The following ASIC2 variants were observed in gnomAD, a reference collection of about 807,000 sequenced individuals.
The protein encoded by ASIC2 is acid sensing ion channel subunit 2.
A neutral mutation model predicts 57.3 loss-of-function variants in ASIC2; 25 were observed. The observed-to-expected ratio is 0.44, with a 90% CI of 0.32 to 0.61. The LOEUF (loss-of-function observed/expected upper bound fraction) is 0.61, where lower values mean the gene tolerates loss of function less well. Ranked by LOEUF, ASIC2 falls within the 20% of genes least tolerant of loss-of-function variation. The probability of loss-of-function intolerance (pLI) is 0.06; values close to 1 mark genes in which losing one functional copy is unlikely to be tolerated. For synonymous variants in ASIC2, 319 were observed against 307.5 expected, an observed-to-expected ratio of 1.04 and a Z score of -0.39; for missense variants, 641 against 738.1, an observed-to-expected ratio of 0.87 and a Z score of 1.52.
chr17:33,594,441 C>T (rs1231920903), intron 1 of ASIC2, among the ~76,000 whole-genome samples: 1 of 152,246 alleles, frequency 6.6e-6, no homozygotes, highest in Non-Finnish European at 1.5e-5. Flanking sequence ...TCACCAATAA[C>T]ATCCTCTTGC....
Position 34,156,373 on chromosome 17 carries a change from C to T in ASIC2, c.160G>A (p.Gly54Ser). 6.2e-7 allele frequency: 1 copy of T among 1,614,206 alleles called. No individual in the cohort carries two copies. The highest frequency in any genetic ancestry group is 8.5e-7 in the Non-Finnish European group (1 of 1,180,036). The change falls in exon 1 of 10, where the codon GGC becomes AGC. Residue 54 changes from glycine (G) to serine (S), a missense_variant. Transcript: ENST00000359872. The surrounding 1 kb of genome is among the most constrained non-coding windows in gnomAD (Gnocchi z 4.4). Reference sequence around the variant, plus strand: ...TCAGAGCTCTCCACCAGCAGCAGGCCCAGAGAGCCCACGAAGGCCACTGCC... The same window carrying T: ...TCAGAGCTCTCCACCAGCAGCAGGCTCAGAGAGCCCACGAAGGCCACTGCC...
chr17:33,636,605 G>A lies in ASIC2; in HGVS notation c.555+519373C>T, dbSNP rs181495278. Among the ~76,000 whole-genome samples the A allele has an allele frequency of 5.0e-4, 76 of 152,262 alleles. No homozygotes were observed. The East Asian group carries it at 7.7e-3, about 15-fold the overall frequency. On this transcript the variant is annotated intron_variant, in intron 1 of 9. Transcript: ENST00000359872. ...CTTTCTAAGAGTCCATATTTATGGGGCACATGTCTCTGGGCTGCTTTCCGC... is the reference window on the plus strand; with the variant it reads ...CTTTCTAAGAGTCCATATTTATGGGACACATGTCTCTGGGCTGCTTTCCGC...
chr17:33,406,563 GTGTTTC>G (rs1235033474), intron 1 of ASIC2, among the ~76,000 whole-genome samples: 15 of 152,174 alleles, frequency 9.9e-5, no homozygotes, highest in African/African-American at 3.6e-4. Flanking sequence ...TAAGCTTTCT[GTGTTTC>G]TGTTTCCTTG....
intron 1 of ASIC2, among the ~76,000 whole-genome samples, chr17:33,527,230 T>C (rs569792208): frequency 1.3e-5 from 2 of 152,278 alleles, no homozygotes; most frequent in Admixed American, 1.3e-4. Flanking sequence ...TGGGCAGATC[T>C]AAGGAAAGAG....
chr17:33,590,050 C>G (rs1904776025), intron 1 of ASIC2, among the ~76,000 whole-genome samples: 1 of 152,178 alleles, frequency 6.6e-6, no homozygotes, highest in Non-Finnish European at 1.5e-5. Flanking sequence ...AAAGAGCATG[C>G]TGTGTCCCAC....
rs1913746804 is a variant in ASIC2 at position 33,850,922 on chromosome 17, G to A, written c.555+305056C>T. ...CTTGGCCGTCCCAGCCCATTAACCTGGGGCAAGGTTGGAAAACTACACCCA... is the reference window on the plus strand; with the variant it reads ...CTTGGCCGTCCCAGCCCATTAACCTAGGGCAAGGTTGGAAAACTACACCCA... On this transcript the variant is annotated intron_variant, in intron 1 of 9. Coordinates refer to the ASIC2 transcript ENST00000359872. Among the ~76,000 whole-genome samples the A allele has an allele frequency of 3.3e-5, 5 of 151,972 alleles. No homozygotes were observed. In the South Asian group the frequency reaches 1.0e-3, roughly 32 times the overall value.
rs145394365 is a variant in ASIC2, at chr17:33,107,010, C to A, written c.859+4907G>T. 6.3e-4 allele frequency among the ~76,000 whole-genome samples: 96 copies of A among 152,254 alleles called. 2 individuals are homozygous for A. The East Asian group carries it at 0.018, about 28-fold the overall frequency. Reference sequence around the variant, plus strand: ...CCTGCCCCTCCTGCTGGCTGGTTGTCGAAGCTTGCCTTGGATTCTGAGAAC... The same window carrying A: ...CCTGCCCCTCCTGCTGGCTGGTTGTAGAAGCTTGCCTTGGATTCTGAGAAC... On this transcript the variant is annotated intron_variant, in intron 2 of 9. Coordinates refer to ENST00000225823, the MANE Select transcript of ASIC2 (RefSeq NM_183377.2).
intron 1 of ASIC2, among the ~76,000 whole-genome samples, chr17:33,951,399 T>C (rs1014209821): frequency 2.0e-5 from 3 of 152,106 alleles, no homozygotes; most frequent in African/African-American, 7.2e-5. Context: ...AAGTCTATGG[T>C]GACCTGGAAG....
intron 1 of ASIC2, among the ~76,000 whole-genome samples, chr17:33,544,889 G>A (rs1296352582): frequency 3.3e-5 from 5 of 151,444 alleles, no homozygotes; most frequent in Non-Finnish European, 7.4e-5. Flanking sequence ...TTTGTCCCCC[G>A]GAGTTTCCCT....
chr17:33,959,692 T>G (rs535997433), intron 1 of ASIC2, among the ~76,000 whole-genome samples: 32 of 152,358 alleles, frequency 2.1e-4, no homozygotes, highest in African/African-American at 7.5e-4. Context: ...AGCTTCTTCC[T>G]GCCTTATTCT....
At chr17:33,201,866 A>G (rs527750567) in intron 1 of ASIC2, among the ~76,000 whole-genome samples, 72 of 152,052 alleles carry the variant, frequency 4.7e-4, no homozygotes, top group African/African-American at 1.7e-3. Flanking sequence ...CTTGTCTTTG[A>G]AAAATTATAA....
At chr17:33,660,272 A>G (rs969628317) in intron 1 of ASIC2, among the ~76,000 whole-genome samples, 2 of 152,146 alleles carry the variant, frequency 1.3e-5, no homozygotes, top group African/African-American at 4.8e-5. Context: ...AAATTTACAA[A>G]AAACTATTTT....
intron 1 of ASIC2, among the ~76,000 whole-genome samples, chr17:33,560,909 C>T (rs1390418065): frequency 6.6e-6 from 1 of 152,170 alleles, no homozygotes; most frequent in African/African-American, 2.4e-5. Flanking sequence ...AATTCATACC[C>T]AGATTTATCT....
At chr17:33,845,167 A>G (rs1913545918) in intron 1 of ASIC2, among the ~76,000 whole-genome samples, 1 of 152,254 alleles carries the variant, frequency 6.6e-6, no homozygotes, top group East Asian at 1.9e-4. Flanking sequence ...AAGGTTCTGC[A>G]AGTCAAGTTA....
intron 1 of ASIC2, among the ~76,000 whole-genome samples, chr17:33,218,628 C>T (rs1268254820): frequency 4.9e-5 from 5 of 101,704 alleles, no homozygotes; most frequent in South Asian, 3.6e-4. Flanking sequence ...TGAGCATTGC[C>T]GGGGTGGGGG....
chr17:34,053,772 T>C (rs1276344285), intron 1 of ASIC2, among the ~76,000 whole-genome samples: 1 of 152,232 alleles, frequency 6.6e-6, no homozygotes, highest in African/African-American at 2.4e-5. Context: ...GCCCACCTGC[T>C]TAATCATATG....
intron 1 of ASIC2, among the ~76,000 whole-genome samples, chr17:33,400,265 A>G (rs887295868): frequency 3.9e-5 from 6 of 152,174 alleles, no homozygotes; most frequent in Non-Finnish European, 7.4e-5. Context: ...TGCTCCACCT[A>G]TGTGTCCTTG....
At chr17:33,469,387 C>T (rs943285033) in intron 1 of ASIC2, among the ~76,000 whole-genome samples, 9 of 152,186 alleles carry the variant, frequency 5.9e-5, no homozygotes, top group African/African-American at 1.9e-4. Context: ...GCAGCTGGGC[C>T]TAAGGCCCTG....
At chr17:33,021,395 A>T in intron 6 of ASIC2, 85 bp from the exon 7 acceptor site, 1 of 1,162,982 alleles carries the variant, frequency 8.6e-7, no homozygotes, top group South Asian at 1.4e-5. Context: ...CCATGGAAAG[A>T]TGGAGAAAAG....
Sources: allele counts gnomAD v4.1 joint callset (sites outside exome capture counted in the v4.1 genomes callset), GRCh38; gene constraint gnomAD v4.1.1; non-coding constraint Gnocchi (gnomAD v3.1); transcripts MANE v1.5; gene names NCBI Gene and HGNC (gene_info 2026-07-23, HGNC 2026-07-21).